The following YBX1 variants were observed in gnomAD, a reference collection of about 807,000 sequenced individuals.
YBX1 encodes Y-box binding protein 1.
In YBX1, 3 loss-of-function variants were observed where a neutral mutation model predicts 41.4. That is an observed-to-expected ratio of 0.07 (90% CI 0.03 to 0.19). YBX1 has a LOEUF of 0.19. Among genes scored for constraint, YBX1 ranks in the 10% least tolerant of loss-of-function variants. The pLI, the probability that YBX1 is intolerant of heterozygous loss-of-function variation, is 1.00. For missense variants in YBX1, 274 were observed against 462.8 expected (o/e 0.59, Z 3.74); for synonymous variants, 133 against 165.8 (o/e 0.80, Z 1.52).
At chr1:42,690,515 T>G (rs1024406804) in intron 2 of YBX1, among the ~76,000 whole-genome samples, 10 of 152,160 alleles carry the variant, frequency 6.6e-5, no homozygotes, top group African/African-American at 1.9e-4. Flanking sequence ...GACTAATACT[T>G]TTTATTTCTA....
At chr1:42,684,055 G>GT (rs1406993643) in intron 2 of YBX1, among the ~76,000 whole-genome samples, 3 of 151,968 alleles carry the variant, frequency 2.0e-5, no homozygotes, top group East Asian at 3.9e-4. Context: ...CAAGAAAGTG[G>GT]TTTTTTTTCC....
intron 3 of YBX1, among the ~76,000 whole-genome samples, chr1:42,694,080 G>GA (rs1402445096): frequency 5.9e-5 from 9 of 151,346 alleles, no homozygotes; most frequent in African/African-American, 2.2e-4. Context: ...CTTGGAAAAT[G>GA]AAAAAATTTC....
chr1:42,689,378 G>A (rs1650274545), intron 2 of YBX1, among the ~76,000 whole-genome samples: 1 of 152,168 alleles, frequency 6.6e-6, no homozygotes, highest in Non-Finnish European at 1.5e-5. Context: ...TATAACCACA[G>A]GATTGTAAAT....
In YBX1 at chr1:42,682,609, C is replaced by G. The variant is rs879767476; in HGVS notation, c.44C>G (p.Pro15Arg). 6.2e-6 allele frequency: 9 copies of G among 1,445,262 alleles called. No individual in the cohort carries two copies. Among genetic ancestry groups the G allele is most frequent in the East Asian group, 3.0e-5 (1 of 32,932 alleles). 89.5% of individuals were successfully genotyped at this position (1,445,262 alleles called of 1,614,324 possible). ...AETQQPPAAP[P>R]AAPALSAADT... ...ACCCAGCAGCCGCCCGCCGCCCCCC[C>G]CGCCGCCCCCGCCCTCAGCGCCGCC... Residue 15 changes from proline to arginine, a missense_variant, in exon 1 of 8, where the codon CCC becomes CGC. By Grantham distance (103) the Pro-to-Arg change is moderately radical. Coordinates refer to ENST00000321358, the MANE Select transcript of YBX1 (RefSeq NM_004559.5).
At chr1:42,687,408 C>T (rs1327858151) in intron 2 of YBX1, among the ~76,000 whole-genome samples, 4 of 152,168 alleles carry the variant, frequency 2.6e-5, no homozygotes, top group Non-Finnish European at 4.4e-5. Flanking sequence ...CTCAGCCTCC[C>T]GAGTAGCTGG....
intron 2 of YBX1, among the ~76,000 whole-genome samples, chr1:42,687,574 G>A (rs1255491196): frequency 6.6e-6 from 1 of 152,086 alleles, no homozygotes; most frequent in Non-Finnish European, 1.5e-5. Context: ...GAGCCACTGC[G>A]CCCGGCCTCT....
At chr1:42,684,688 T>C (rs1478553720) in intron 2 of YBX1, among the ~76,000 whole-genome samples, 1 of 152,272 alleles carries the variant, frequency 6.6e-6, no homozygotes, top group Non-Finnish European at 1.5e-5. Context: ...TATATACTGT[T>C]TGCTTTCCTG....
chr1:42,685,869 A>G (rs1349569600), intron 2 of YBX1, among the ~76,000 whole-genome samples: 1 of 152,272 alleles, frequency 6.6e-6, no homozygotes, highest in Non-Finnish European at 1.5e-5. Context: ...TTAATTCATG[A>G]AAGGGCTTCT....
Position 42,683,353 on chromosome 1 carries a change from A to T in YBX1, c.167-50A>T, listed in dbSNP as rs199623983. The T allele has an allele frequency of 1.4e-4, 228 of 1,612,404 alleles. No individual in the cohort carries two copies. The East Asian group carries it at 4.6e-3, about 32-fold the overall frequency. On this transcript the variant is annotated intron_variant, in intron 1 of 7. Coordinates refer to ENST00000321358, the MANE Select transcript of YBX1 (RefSeq NM_004559.5). ...GGATGCCCAAGCCGGGCGGATTTGG[A>T]AAAGGATAGCTGGTAATCGTGGCTT...
chr1:42,701,041 A>C lies in YBX1; in HGVS notation c.*26A>C. 6.2e-7 allele frequency: 1 copy of C among 1,611,828 alleles called. No individual in the cohort carries two copies. The highest frequency in any genetic ancestry group is 8.5e-7 in the Non-Finnish European group (1 of 1,178,034). The stretch of plus-strand genomic sequence containing the variant: ...ATGCCGGCTTACCATCTCTACCATC[A>C]TCCGGGTAAGCAAGCTTGGATGGCC... On this transcript the variant is annotated 3_prime_UTR_variant, in exon 7 of 8. Coordinates refer to ENST00000321358, the MANE Select transcript of YBX1 (RefSeq NM_004559.5).
At chr1:42,700,687 A>G (rs913236068) in intron 6 of YBX1, 94 bp from the exon 7 acceptor site, 52 of 1,086,478 alleles carry the variant, frequency 4.8e-5, no homozygotes, top group Non-Finnish European at 6.1e-5. Flanking sequence ...TGGGCCAGAC[A>G]TGGTGAGTTA....
intron 2 of YBX1, among the ~76,000 whole-genome samples, chr1:42,684,679 A>G (rs185363503): frequency 1.3e-5 from 2 of 152,336 alleles, no homozygotes; most frequent in Admixed American, 1.3e-4. Flanking sequence ...CCATCTTGTT[A>G]TATACTGTTT....
In YBX1 at chr1:42,696,757, A is replaced by G. The variant is rs1650470239; in HGVS notation, c.470A>G (p.Asn157Ser). The G allele has an allele frequency of 1.2e-6, 2 of 1,613,840 alleles. No individual in the cohort carries two copies. The highest frequency in any genetic ancestry group is 1.1e-5 in the South Asian group (1 of 91,072). ...RYPRRRGPPR[N>S]YQQNYQNSES... Reference sequence around the variant, plus strand: ...CCACGTCGTAGGGGTCCTCCACGCAATTACCAGCAAAATTACCAGAATAGT... The same window carrying G: ...CCACGTCGTAGGGGTCCTCCACGCAGTTACCAGCAAAATTACCAGAATAGT... Residue 157 changes from asparagine (N) to serine (S), a missense_variant, in exon 5 of 8, where the codon AAT (asparagine) becomes AGT (serine). Around this residue, in one of 3 missense-constraint regions of YBX1, gnomAD observed 187 missense variants for 306.3 expected, o/e 0.61. Transcript: ENST00000321358. This position sits in a 1 kb window ranked among gnomAD's most constrained non-coding sequence, Gnocchi z 5.7.
Position 42,696,446 on chromosome 1 carries a change from A to T in YBX1, c.354+158A>T, listed in dbSNP as rs565313217. On this transcript the variant is annotated intron_variant, in intron 4 of 7. Transcript: ENST00000321358. The surrounding 1 kb of genome is among the most constrained non-coding windows in gnomAD (Gnocchi z 5.7). The stretch of plus-strand genomic sequence containing the variant: ...ATGTTCTGGCTGCAGTTAGAGGGCA[A>T]TCTCTTCAGAACAGTGAGGAACTGA... Among the ~76,000 whole-genome samples the T allele has an allele frequency of 6.6e-6, 1 of 151,576 alleles. No homozygotes were observed. Among genetic ancestry groups the T allele is most frequent in the Non-Finnish European group, 1.5e-5 (1 of 67,980 alleles).
chr1:42,685,652 A>G (rs1049041421), intron 2 of YBX1, among the ~76,000 whole-genome samples: 9 of 152,116 alleles, frequency 5.9e-5, no homozygotes, highest in African/African-American at 1.7e-4. Context: ...TGTATAAAGG[A>G]GAGGGTGCAG....
At chr1:42,691,731 A>C (rs189062781) in intron 2 of YBX1, among the ~76,000 whole-genome samples, 2 of 152,354 alleles carry the variant, frequency 1.3e-5, no homozygotes, top group Admixed American at 1.3e-4. Context: ...ACAGTACAGA[A>C]ATACATACAT....
At position 42,696,993 on chromosome 1, in the gene YBX1, G is replaced by A. The variant is rs376166842; in HGVS notation, c.657+49G>A. Reference sequence around the variant, plus strand: ...CAATGTGATAAGTTCTGGTAGGACTGTTTAGAGCTGTTAATTATATGGAAA... The same window carrying A: ...CAATGTGATAAGTTCTGGTAGGACTATTTAGAGCTGTTAATTATATGGAAA... On this transcript the variant is annotated intron_variant, in intron 5 of 7. Transcript: ENST00000321358. The surrounding 1 kb of genome is among the most constrained non-coding windows in gnomAD (Gnocchi z 5.7). 2.7e-6 allele frequency: 4 copies of A among 1,503,564 alleles called. No individual in the cohort carries two copies. The African/African-American group carries it at 5.6e-5, about 21-fold the overall frequency. 93.1% of individuals were successfully genotyped at this position (1,503,564 alleles called of 1,614,324 possible).
chr1:42,701,640 A>G (rs188160730), intron 7 of YBX1, among the ~76,000 whole-genome samples: 178 of 152,224 alleles, frequency 1.2e-3, no homozygotes, highest in Admixed American at 4.2e-3. Context: ...AACTGCCTGT[A>G]GATTAATAAT....
chr1:42,693,505 A>G lies in YBX1; in HGVS notation c.246A>G (p.Glu82=), dbSNP rs770727119. The part of the protein sequence containing the change: ...YGFINRNDTK[E]DVFVHQTAIK... ...TGTCTTGCAGGAATGACACCAAGGAAGATGTATTTGTACACCAGGTGAGTG... is the reference window on the plus strand; with the variant it reads ...TGTCTTGCAGGAATGACACCAAGGAGGATGTATTTGTACACCAGGTGAGTG... Residue 82 remains glutamate, a synonymous_variant, in exon 3 of 8, where the codon GAA becomes GAG. Coordinates refer to ENST00000321358, the MANE Select transcript of YBX1 (RefSeq NM_004559.5). 6.2e-7 allele frequency: 1 copy of G among 1,613,774 alleles called. No individual in the cohort carries two copies.
Sources: allele counts gnomAD v4.1 joint callset (sites outside exome capture counted in the v4.1 genomes callset), GRCh38; gene constraint gnomAD v4.1.1; regional missense constraint gnomAD v4.1.1; non-coding constraint Gnocchi (gnomAD v3.1); transcripts MANE v1.5; gene names NCBI Gene and HGNC (gene_info 2026-07-23, HGNC 2026-07-21).